ANKFN1: variants seen among roughly 807,000 people sequenced by gnomAD.
ANKFN1 encodes ankyrin repeat and fibronectin type III domain containing 1.
ANKFN1 carries 74 observed loss-of-function variants against 108.7 expected under a neutral mutation model. The ratio of observed to expected loss-of-function variants is 0.68; its 90% CI spans 0.56 to 0.83. The LOEUF (loss-of-function observed/expected upper bound fraction) is 0.83, where lower values mean the gene tolerates loss of function less well. Ranked by LOEUF, ANKFN1 falls within the 40% of genes least tolerant of loss-of-function variation. ANKFN1 has a pLI of 0.00. For synonymous variants in ANKFN1, 547 were observed against 516.2 expected (o/e 1.06, Z -0.81); for missense variants, 1,505 against 1,382.3 (o/e 1.09, Z -1.41).
intron 4 of ANKFN1, among the ~76,000 whole-genome samples, chr17:56,049,655 T>G (rs1239425716): frequency 6.6e-6 from 1 of 151,076 alleles, no homozygotes; most frequent in African/African-American, 2.5e-5. Flanking sequence ...GGTTTTTTGT[T>G]CTTGCGATAG....
intron 20 of ANKFN1, among the ~76,000 whole-genome samples, chr17:56,503,584 A>C (rs1002887210): frequency 2.7e-5 from 4 of 145,842 alleles, no homozygotes; most frequent in Non-Finnish European, 6.0e-5. Flanking sequence ...ATGGATTATT[A>C]TTCTTTTCTT....
chr17:56,360,416 G>A (rs1306891824), intron 6 of ANKFN1, among the ~76,000 whole-genome samples: 1 of 152,162 alleles, frequency 6.6e-6, no homozygotes, highest in Non-Finnish European at 1.5e-5. Context: ...CAAGTCCAAA[G>A]TCTAAAATGA....
At chr17:56,052,821 G>A (rs79611891) in intron 4 of ANKFN1, among the ~76,000 whole-genome samples, 1 of 152,148 alleles carries the variant, frequency 6.6e-6, no homozygotes, top group East Asian at 1.9e-4. Flanking sequence ...GAGAGTAGAT[G>A]GGGTCTCACG....
intron 20 of ANKFN1, 135 bp from the exon 21 acceptor site, chr17:56,510,338 C>T: frequency 1.3e-6 from 1 of 744,786 alleles, no homozygotes; most frequent in South Asian, 2.0e-5. Context: ...GTCAGCATTT[C>T]AGGAGGTGAC....
At chr17:56,414,431 G>A (rs2048181651) in intron 8 of ANKFN1, among the ~76,000 whole-genome samples, 1 of 152,058 alleles carries the variant, frequency 6.6e-6, no homozygotes, top group South Asian at 2.1e-4. Flanking sequence ...ACCAGACAAA[G>A]ACACATCAAG....
intron 19 of ANKFN1, among the ~76,000 whole-genome samples, chr17:56,494,012 C>T (rs1426492921): frequency 1.3e-5 from 2 of 152,106 alleles, no homozygotes; most frequent in East Asian, 1.9e-4. Flanking sequence ...ATAAAACACT[C>T]GGCAAAATGC....
At chr17:56,156,910 C>T (rs1909172466) in intron 1 of ANKFN1, among the ~76,000 whole-genome samples, 1 of 152,128 alleles carries the variant, frequency 6.6e-6, no homozygotes, top group Non-Finnish European at 1.5e-5. Flanking sequence ...CAGTGTAGCC[C>T]CAAAAAGCCA....
intron 1 of ANKFN1, among the ~76,000 whole-genome samples, chr17:56,174,941 A>AT (rs1485194014): frequency 6.6e-6 from 1 of 151,922 alleles, no homozygotes; most frequent in Non-Finnish European, 1.5e-5. Context: ...TTCTTTCTTT[A>AT]TTTTTTTATT....
intron 4 of ANKFN1, among the ~76,000 whole-genome samples, chr17:56,332,141 C>G (rs1206184840): frequency 1.3e-5 from 2 of 152,100 alleles, no homozygotes; most frequent in African/African-American, 4.8e-5. Context: ...CTTGTTGGGT[C>G]AGGGCTGCTG....
At chr17:56,347,922 T>C (rs2144655212) in intron 4 of ANKFN1, among the ~76,000 whole-genome samples, 1 of 152,192 alleles carries the variant, frequency 6.6e-6, no homozygotes, top group East Asian at 1.9e-4. Flanking sequence ...ACTGGACTTC[T>C]GGGCATTGTG....
At chr17:56,342,369 C>A (rs2045982087) in intron 4 of ANKFN1, among the ~76,000 whole-genome samples, 2 of 151,492 alleles carry the variant, frequency 1.3e-5, no homozygotes, top group African/African-American at 4.8e-5. Context: ...TCTTGGTTCT[C>A]TAGGTTTTTT....
At chr17:56,071,501 A>G (rs1027597534) in intron 4 of ANKFN1, among the ~76,000 whole-genome samples, 1 of 152,226 alleles carries the variant, frequency 6.6e-6, no homozygotes. Context: ...TCCAAACTTA[A>G]CATTTGTTGT....
chr17:56,418,799 T>TA (rs34391024), intron 8 of ANKFN1, among the ~76,000 whole-genome samples: 3,817 of 138,856 alleles, frequency 0.027, 69 homozygotes, highest in Non-Finnish European at 0.032. Flanking sequence ...CTTTCTAAGT[T>TA]AAAAAAAAAA....
chr17:56,423,174 G>A (rs1038391153), intron 8 of ANKFN1, among the ~76,000 whole-genome samples: 1 of 152,220 alleles, frequency 6.6e-6, no homozygotes, highest in Non-Finnish European at 1.5e-5. Flanking sequence ...TGTTGATAGT[G>A]AATGAGCTGA....
intron 3 of ANKFN1, among the ~76,000 whole-genome samples, chr17:56,278,717 C>A (rs1345570855): frequency 6.6e-6 from 1 of 152,116 alleles, no homozygotes; most frequent in Non-Finnish European, 1.5e-5. Context: ...AGTAGATGAC[C>A]AAGAGACAGC....
chr17:56,258,451 G>A (rs917878931), intron 3 of ANKFN1: 3 of 152,164 alleles, frequency 2.0e-5, no homozygotes, highest in African/African-American at 7.2e-5. Flanking sequence ...TGGGTTCCAC[G>A]TTGGGAAGAT....
chr17:56,344,407 T>C (rs543295650), intron 4 of ANKFN1, among the ~76,000 whole-genome samples: 219 of 152,140 alleles, frequency 1.4e-3, no homozygotes, highest in Admixed American at 4.8e-3. Flanking sequence ...ATGTGTGTGT[T>C]GGGGCACACC....
At chr17:56,048,335 T>C (rs1904715418) in intron 4 of ANKFN1, among the ~76,000 whole-genome samples, 1 of 152,210 alleles carries the variant, frequency 6.6e-6, no homozygotes, top group South Asian at 2.1e-4. Flanking sequence ...TTAACATTGA[T>C]ATTACTAAGA....
chr17:56,330,304 G>T (rs1021665088), intron 4 of ANKFN1, among the ~76,000 whole-genome samples: 7 of 142,680 alleles, frequency 4.9e-5, no homozygotes, highest in African/African-American at 1.5e-4. Context: ...GAGCACTTGT[G>T]CAGGGGAACT....
Sources: gnomAD v4.1 joint callset for allele counts (sites outside exome capture counted in the v4.1 genomes callset) on GRCh38, gnomAD v4.1.1 for gene constraint, MANE v1.5 for transcripts, NCBI Gene and HGNC (gene_info 2026-07-23, HGNC 2026-07-21) for gene names.